RRP15: variants seen among roughly 807,000 people sequenced by gnomAD.
RRP15 encodes RRP15-like protein.
A neutral mutation model predicts 27.1 loss-of-function variants in RRP15; 18 were observed. The ratio of observed to expected loss-of-function variants is 0.66; its 90% confidence interval spans 0.46 to 0.98. The LOEUF (loss-of-function observed/expected upper bound fraction) is 0.98, where lower values mean the gene tolerates loss of function less well. Among genes scored for constraint, RRP15 ranks in the 50% least tolerant of loss-of-function variants. RRP15 has a pLI of 0.00. For synonymous variants in RRP15, 107 were observed against 109.4 expected (o/e 0.98, Z 0.14); for missense variants, 359 against 337.8 (o/e 1.06, Z -0.49).
intron 4 of RRP15, among the ~76,000 whole-genome samples, chr1:218,328,227 G>A (rs1656305373): frequency 6.6e-6 from 1 of 152,200 alleles, no homozygotes; most frequent in Non-Finnish European, 1.5e-5. Flanking sequence ...TACTTAGTCT[G>A]TTGTTGCTCT....
chr1:218,286,875 C>T (rs1050244546), intron 1 of RRP15, among the ~76,000 whole-genome samples: 1 of 152,174 alleles, frequency 6.6e-6, no homozygotes, highest in Non-Finnish European at 1.5e-5. Flanking sequence ...TAGACTAGTT[C>T]AAACACTATT....
At chr1:218,315,605 TA>T (rs1321022479) in intron 4 of RRP15, among the ~76,000 whole-genome samples, 1 of 148,834 alleles carries the variant, frequency 6.7e-6, no homozygotes, top group African/African-American at 2.6e-5. Context: ...ATTTTTTTAT[TA>T]TTTTATTTTT....
intron 4 of RRP15, among the ~76,000 whole-genome samples, chr1:218,316,379 A>G (rs1656090273): frequency 6.6e-6 from 1 of 152,202 alleles, no homozygotes; most frequent in Non-Finnish European, 1.5e-5. Flanking sequence ...AGATGAGTCT[A>G]TGCATTTGAC....
In RRP15 at chr1:218,302,529, A is replaced by T. The variant is rs1188143517; in HGVS notation, c.375A>T (p.Leu125Phe). 6.2e-7 allele frequency: 1 copy of T among 1,612,888 alleles called. No homozygotes were observed. The change falls in exon 2 of 5, where the codon TTA becomes TTT. Residue 125 changes from leucine to phenylalanine, a missense_variant. Coordinates refer to ENST00000366932, the MANE Select transcript of RRP15 (RefSeq NM_016052.4). Reference protein sequence around the residue: ...NKKLEKEKEKLKQERLEKIKQ... With the variant: ...NKKLEKEKEKFKQERLEKIKQ... ...AGCTGGAAAAGGAAAAAGAAAAGTT[A>T]AAGCAAGAAAGACTAGAGAAAATAA...
At chr1:218,320,424 T>C (rs1012939473) in intron 4 of RRP15, among the ~76,000 whole-genome samples, 6 of 152,156 alleles carry the variant, frequency 3.9e-5, no homozygotes, top group African/African-American at 1.4e-4. Flanking sequence ...TATTCCATGG[T>C]GTATATGTGC....
chr1:218,307,367 C>A, intron 3 of RRP15, 64 bp from the exon 4 acceptor site: 2 of 1,388,916 alleles, frequency 1.4e-6, no homozygotes, highest in Middle Eastern at 2.0e-4. Flanking sequence ...TTTTTCCTAT[C>A]CTCAGAGTTT....
At chr1:218,320,205 C>A (rs1011271040) in intron 4 of RRP15, among the ~76,000 whole-genome samples, 2 of 145,544 alleles carry the variant, frequency 1.4e-5, no homozygotes, top group East Asian at 4.0e-4. Context: ...AGCTATCCCT[C>A]CCCCTTCCCC....
chr1:218,328,618 G>T lies in RRP15; in HGVS notation c.706-2330G>T, dbSNP rs11118084. ...GCGGAGCTTGCAGTGAGCCGAGATT[G>T]CGCCACTGCACTCCAGCCTGGGCGA... On this transcript the variant is annotated intron_variant, in intron 4 of 4. Coordinates refer to ENST00000366932, the MANE Select transcript of RRP15 (RefSeq NM_016052.4). Among the ~76,000 whole-genome samples the T allele has an allele frequency of 2.9e-3, 441 of 152,066 alleles. 2 individuals are homozygous for T. Among genetic ancestry groups the T allele is most frequent in the African/African-American group, 9.9e-3 (410 of 41,480 alleles).
intron 4 of RRP15, among the ~76,000 whole-genome samples, chr1:218,323,589 G>A (rs185286130): frequency 6.6e-6 from 1 of 152,294 alleles, no homozygotes; most frequent in East Asian, 1.9e-4. Context: ...CTGAAGGTGG[G>A]GCCTCACCGG....
intron 1 of RRP15, among the ~76,000 whole-genome samples, chr1:218,293,498 G>C (rs1025187102): frequency 2.0e-5 from 3 of 152,132 alleles, no homozygotes; most frequent in Non-Finnish European, 4.4e-5. Flanking sequence ...TATTTAAAGA[G>C]TACTGACTTG....
chr1:218,317,353 A>G (rs902680380), intron 4 of RRP15, among the ~76,000 whole-genome samples: 6 of 152,238 alleles, frequency 3.9e-5, no homozygotes, highest in Non-Finnish European at 8.8e-5. Flanking sequence ...GATGAGCTGG[A>G]AGAACTGTGG....
At chr1:218,321,379 CA>C (rs1315825623) in intron 4 of RRP15, among the ~76,000 whole-genome samples, 1 of 152,148 alleles carries the variant, frequency 6.6e-6, no homozygotes. Context: ...TGCCTTGCAG[CA>C]ACACTGAAAG....
At position 218,322,541 on chromosome 1, in the gene RRP15, C is replaced by CT. The variant is rs562332852; in HGVS notation, c.706-8398dup. 4.5e-3 allele frequency among the ~76,000 whole-genome samples: 679 copies of CT among 149,428 alleles called. 4 individuals carry two copies. The highest frequency in any genetic ancestry group is 7.6e-3 in the Non-Finnish European group (513 of 67,318). On this transcript the variant is annotated intron_variant, in intron 4 of 4. Coordinates refer to ENST00000366932, the MANE Select transcript of RRP15 (RefSeq NM_016052.4). ...TTTTTTTTTCTGTTTCTTGCTGTCC[C>CT]TTTTTTTTTAAATTCTTTACTTATA...
At chr1:218,298,948 C>T (rs571793239) in intron 1 of RRP15, among the ~76,000 whole-genome samples, 19 of 152,272 alleles carry the variant, frequency 1.2e-4, no homozygotes, top group Middle Eastern at 3.4e-3. Flanking sequence ...ACACACAGGA[C>T]TTCAAAGGCA....
intron 4 of RRP15, among the ~76,000 whole-genome samples, chr1:218,313,915 A>T (rs1471185440): frequency 6.6e-6 from 1 of 152,214 alleles, no homozygotes; most frequent in Admixed American, 6.5e-5. Context: ...CATCCCAATT[A>T]CATACCAACA....
chr1:218,294,871 A>G (rs1343080832), intron 1 of RRP15, among the ~76,000 whole-genome samples: 1 of 151,966 alleles, frequency 6.6e-6, no homozygotes, highest in African/African-American at 2.4e-5. Context: ...ACAAGAAGAT[A>G]CTCCTTTGGA....
intron 1 of RRP15, among the ~76,000 whole-genome samples, chr1:218,293,183 C>T (rs1236450520): frequency 6.6e-6 from 1 of 151,872 alleles, no homozygotes; most frequent in Non-Finnish European, 1.5e-5. Flanking sequence ...CACCACCATG[C>T]CTGGTTAAAG....
chr1:218,309,800 A>G (rs1327506125), intron 4 of RRP15, among the ~76,000 whole-genome samples: 1 of 152,114 alleles, frequency 6.6e-6, no homozygotes, highest in Non-Finnish European at 1.5e-5. Flanking sequence ...CTTCAAGTAA[A>G]TAAGTAAGCA....
chr1:218,288,820 T>A (rs572350073), intron 1 of RRP15, among the ~76,000 whole-genome samples: 1 of 152,340 alleles, frequency 6.6e-6, no homozygotes, highest in South Asian at 2.1e-4. Context: ...ATTTTTGTGT[T>A]CAGATTTCTA....
Sources: gnomAD v4.1 joint callset for allele counts (sites outside exome capture counted in the v4.1 genomes callset) on GRCh38, gnomAD v4.1.1 for gene constraint, MANE v1.5 for transcripts, NCBI Gene and HGNC (gene_info 2026-07-23, HGNC 2026-07-21) for gene names.